The following TRPC4AP variants were observed in gnomAD, a reference collection of about 807,000 sequenced individuals.
TRPC4AP encodes the protein transient receptor potential cation channel subfamily C member 4 associated protein.
In TRPC4AP, 45 loss-of-function variants were observed where a neutral mutation model predicts 99.0. The observed-to-expected ratio is 0.45, with a 90% confidence interval of 0.36 to 0.58. TRPC4AP has a LOEUF of 0.58. Ranked by LOEUF, TRPC4AP falls within the 20% of genes least tolerant of loss-of-function variation. TRPC4AP has a pLI of 0.00. For synonymous variants in TRPC4AP, 408 were observed against 385.8 expected, an observed-to-expected ratio of 1.06 and a Z score of -0.67; for missense variants, 879 against 985.3, an observed-to-expected ratio of 0.89 and a Z score of 1.44.
In TRPC4AP at chr20:35,032,584, G is replaced by A. The variant is rs546495197; in HGVS notation, c.1051+2539C>T. Reference sequence around the variant, plus strand: ...CCTCCCAGGTTCTCGCCATTCTCCTGCCTCAGGCCTCCCCAGTAGCTGGGA... The same window carrying A: ...CCTCCCAGGTTCTCGCCATTCTCCTACCTCAGGCCTCCCCAGTAGCTGGGA... On this transcript the variant is annotated intron_variant, in intron 8 of 18. Transcript: ENST00000252015. Among the ~76,000 whole-genome samples the A allele has an allele frequency of 6.8e-5, 10 of 146,398 alleles. No homozygotes were observed. The South Asian group carries it at 1.9e-3, about 28-fold the overall frequency.
At chr20:35,083,914 A>G (rs1024154510) in intron 1 of TRPC4AP, among the ~76,000 whole-genome samples, 6 of 152,030 alleles carry the variant, frequency 3.9e-5, no homozygotes, top group Non-Finnish European at 7.4e-5. Flanking sequence ...CTAAACTGCT[A>G]AACTGCTAAA....
chr20:35,075,874 C>T (rs912913666), intron 2 of TRPC4AP, among the ~76,000 whole-genome samples: 2 of 152,172 alleles, frequency 1.3e-5, no homozygotes, highest in African/African-American at 4.8e-5. Context: ...GTTCCATTCT[C>T]CCCGTCACTT....
At chr20:35,082,828 A>G (rs2084681904) in intron 1 of TRPC4AP, among the ~76,000 whole-genome samples, 1 of 152,232 alleles carries the variant, frequency 6.6e-6, no homozygotes, top group African/African-American at 2.4e-5. Context: ...ATACAGAAAA[A>G]GCATTTGATA....
rs2084529592 is a variant in TRPC4AP at position 35,078,031 on chromosome 20, G to C, written c.297+15C>G. ...GAGGCCCTGAATACGCCCCTCCAAG[G>C]TCCTTAAGAGTTACCTTGAGGATGT... On this transcript the variant is annotated intron_variant, in intron 2 of 18. Coordinates refer to ENST00000252015, the MANE Select transcript of TRPC4AP (RefSeq NM_015638.3). 6.2e-7 allele frequency: 1 copy of C among 1,606,212 alleles called. No individual in the cohort carries two copies. Among genetic ancestry groups the C allele is most frequent in the African/African-American group, 1.3e-5 (1 of 74,816 alleles).
chr20:35,090,199 G>T (rs2085014519), intron 1 of TRPC4AP, among the ~76,000 whole-genome samples: 1 of 139,988 alleles, frequency 7.1e-6, no homozygotes, highest in Non-Finnish European at 1.6e-5. Flanking sequence ...AAAAAACTAA[G>T]AAAAGAAATA....
intron 8 of TRPC4AP, among the ~76,000 whole-genome samples, chr20:35,027,752 T>C (rs182875986): frequency 5.9e-5 from 9 of 152,358 alleles, no homozygotes; most frequent in Admixed American, 1.3e-4. Flanking sequence ...TTGTGTCTTT[T>C]AACTTGCTCA....
chr20:35,092,802 G>A lies in TRPC4AP; in HGVS notation c.-21C>T, dbSNP rs987309810. ...GCCATGTCTCCTCGTCGGACAAACA[G>A]GAAGCAAGCGGCCTCGGGGCCGCGG... is the stretch of plus-strand genomic sequence containing the variant. On this transcript the variant is annotated 5_prime_UTR_variant, in exon 1 of 19. Coordinates refer to ENST00000252015, the MANE Select transcript of TRPC4AP (RefSeq NM_015638.3). 11 of 1,501,268 alleles carry A rather than the reference G, an allele frequency of 7.3e-6. No individual in the cohort carries two copies. The highest frequency in any genetic ancestry group is 9.7e-6 in the Non-Finnish European group (11 of 1,136,720). The allele number at this position is 1,501,268 out of a possible 1,614,324, so 93.0% of individuals were successfully genotyped here. A position where few individuals can be genotyped will look rare whatever the true frequency, so the allele number is the denominator to read the frequency against.
chr20:35,038,999 G>C (rs1229438722), intron 7 of TRPC4AP, among the ~76,000 whole-genome samples: 2 of 152,234 alleles, frequency 1.3e-5, no homozygotes, highest in Non-Finnish European at 1.5e-5. Context: ...GCTTGAACCA[G>C]AAAGTGGTGG....
intron 15 of TRPC4AP, among the ~76,000 whole-genome samples, chr20:35,006,157 C>T (rs2082511118): frequency 6.6e-6 from 1 of 152,178 alleles, no homozygotes; most frequent in South Asian, 2.1e-4. Context: ...ACAGCGGCTC[C>T]CACCGTGGCA....
chr20:35,003,853 A>C (rs1418655445), intron 17 of TRPC4AP, among the ~76,000 whole-genome samples: 1 of 152,138 alleles, frequency 6.6e-6, no homozygotes, highest in Non-Finnish European at 1.5e-5. Context: ...TGAGGCAACA[A>C]CACCTGTCCC....
intron 5 of TRPC4AP, among the ~76,000 whole-genome samples, chr20:35,054,589 T>C (rs2083782255): frequency 6.6e-6 from 1 of 152,178 alleles, no homozygotes; most frequent in Admixed American, 6.5e-5. Flanking sequence ...GCTCAATATA[T>C]GGGCGGGGCT....
intron 1 of TRPC4AP, among the ~76,000 whole-genome samples, chr20:35,089,395 GTT>G (rs35461400): frequency 0.56 from 73,566 of 130,350 alleles, 20,148 homozygotes; most frequent in Middle Eastern, 0.71. Flanking sequence ...CCTGGTTAAT[GTT>G]TTTTTTTTTT....
At chr20:35,042,679 TTCAAA>T (rs2083468522) in intron 7 of TRPC4AP, among the ~76,000 whole-genome samples, 1 of 152,180 alleles carries the variant, frequency 6.6e-6, no homozygotes, top group Non-Finnish European at 1.5e-5. Context: ...CAAGTTTCAG[TTCAAA>T]TATGAATTAT....
rs1484650732 is a variant in TRPC4AP at position 35,059,867 on chromosome 20, TGAA to T, written c.415-2299_415-2297del. Among the ~76,000 whole-genome samples the T allele has an allele frequency of 8.0e-5, 12 of 150,092 alleles. No homozygotes were observed. The East Asian group carries it at 1.4e-3, about 17-fold the overall frequency. On this transcript the variant is annotated intron_variant, in intron 3 of 18. Coordinates refer to ENST00000252015, the MANE Select transcript of TRPC4AP (RefSeq NM_015638.3). ...GACGAAGATGAAGATGAAGAAAAGA[TGAA>T]GAAAAGACGAAGACAAAGATGAAGA...
chr20:35,063,752 T>A (rs1191844362), intron 3 of TRPC4AP, among the ~76,000 whole-genome samples: 1 of 152,106 alleles, frequency 6.6e-6, no homozygotes, highest in Non-Finnish European at 1.5e-5. Context: ...TCCCAGCTAC[T>A]CGGGAGACTG....
rs1600504900 is a variant in TRPC4AP at position 35,010,285 on chromosome 20, G to A, written c.1413C>T (p.Asn471=). The A allele has an allele frequency of 1.2e-6, 2 of 1,614,098 alleles. No homozygotes were observed. The highest frequency in any genetic ancestry group is 2.2e-5 in the East Asian group (1 of 44,880). The change falls in exon 12 of 19, where the codon AAC becomes AAT. Residue 471 remains asparagine (N), a synonymous_variant. Transcript: ENST00000252015. ...LLQSFSDHHE[N]KYLLLNNQEL... is the part of the protein sequence containing the mutation. ...CCTGGTTGTTGAGTAACAAGTACTT[G>A]TTCCTGAAACAAAATGGGTTGGAGG...
intron 6 of TRPC4AP, among the ~76,000 whole-genome samples, chr20:35,048,630 C>T (rs1466342906): frequency 6.6e-6 from 1 of 152,168 alleles, no homozygotes; most frequent in African/African-American, 2.4e-5. Context: ...TATCTATCCC[C>T]CTTTCAAACT....
At chr20:35,028,403 C>T (rs1042359872) in intron 8 of TRPC4AP, among the ~76,000 whole-genome samples, 4 of 151,896 alleles carry the variant, frequency 2.6e-5, no homozygotes, top group African/African-American at 9.7e-5. Context: ...CAAGACACTT[C>T]CTAATTTTGT....
chr20:35,089,194 A>C (rs2084970176), intron 1 of TRPC4AP, among the ~76,000 whole-genome samples: 1 of 151,936 alleles, frequency 6.6e-6, no homozygotes, highest in Admixed American at 6.6e-5. Context: ...TAAATGGTTA[A>C]GATGGTAAAT....
Sources: gnomAD v4.1 joint callset for allele counts (sites outside exome capture counted in the v4.1 genomes callset) on GRCh38, gnomAD v4.1.1 for gene constraint, MANE v1.5 for transcripts, NCBI Gene and HGNC (gene_info 2026-07-23, HGNC 2026-07-21) for gene names.